Variants in MAGI2 observed in about 807,000 individuals in gnomAD.
MAGI2 encodes the protein membrane associated guanylate kinase, WW and PDZ domain containing 2.
In MAGI2, 35 loss-of-function variants were observed where a neutral mutation model predicts 133.3. That is an observed-to-expected ratio of 0.26 (90% CI 0.20 to 0.35). MAGI2 has a LOEUF of 0.35. MAGI2 is among the 10% of genes least tolerant of loss of function. The probability of loss-of-function intolerance (pLI) is 1.00; values close to 1 mark genes in which losing one functional copy is unlikely to be tolerated. For synonymous variants in MAGI2, 729 were observed against 710.6 expected (o/e 1.03, Z -0.41); for missense variants, 1,636 against 1,863.4 (o/e 0.88, Z 2.25).
At chr7:78,132,019 C>T (rs1460939676) in intron 18 of MAGI2, among the ~76,000 whole-genome samples, 1 of 152,112 alleles carries the variant, frequency 6.6e-6, no homozygotes, top group Non-Finnish European at 1.5e-5. Flanking sequence ...GGACTACAGG[C>T]GTGTACCACC....
At chr7:78,409,136 C>T (rs1445371144) in intron 6 of MAGI2, among the ~76,000 whole-genome samples, 5 of 152,120 alleles carry the variant, frequency 3.3e-5, no homozygotes, top group East Asian at 1.9e-4. Context: ...TATCACAATG[C>T]TTTTTCATGA....
chr7:78,508,607 T>C (rs1795298135), intron 4 of MAGI2, among the ~76,000 whole-genome samples: 1 of 152,220 alleles, frequency 6.6e-6, no homozygotes, highest in Non-Finnish European at 1.5e-5. Flanking sequence ...CTGTGTCAGC[T>C]ACTCCTGCGA....
intron 2 of MAGI2, among the ~76,000 whole-genome samples, chr7:78,847,076 C>T (rs928712637): frequency 5.9e-5 from 9 of 151,838 alleles, no homozygotes; most frequent in Non-Finnish European, 1.3e-4. Context: ...ATAGGTAGTT[C>T]AAAAGTTGTT....
intron 2 of MAGI2, among the ~76,000 whole-genome samples, chr7:78,936,132 C>T (rs1290303611): frequency 6.6e-6 from 1 of 151,630 alleles, no homozygotes; most frequent in African/African-American, 2.4e-5. Flanking sequence ...CCAAATGAAT[C>T]AAGCATTCAA....
chr7:79,243,926 C>T (rs1487225243), intron 1 of MAGI2, among the ~76,000 whole-genome samples: 4 of 152,102 alleles, frequency 2.6e-5, no homozygotes, highest in African/African-American at 4.8e-5. Flanking sequence ...TTGAAAGAAA[C>T]ATTATTTCCT....
chr7:79,173,484 C>T (rs555685336), intron 1 of MAGI2, among the ~76,000 whole-genome samples: 16 of 152,134 alleles, frequency 1.1e-4, no homozygotes, highest in African/African-American at 3.9e-4. Flanking sequence ...CGACTCCACA[C>T]CCAGCTTACT....
At chr7:78,775,435 A>G (rs1825921518) in intron 2 of MAGI2, among the ~76,000 whole-genome samples, 1 of 150,950 alleles carries the variant, frequency 6.6e-6, no homozygotes, top group African/African-American at 2.4e-5. Context: ...AGAGAGTTCT[A>G]TACATACCCA....
intron 12 of MAGI2, among the ~76,000 whole-genome samples, chr7:78,193,936 CT>C (rs2150735560): frequency 6.6e-6 from 1 of 152,260 alleles, no homozygotes; most frequent in African/African-American, 2.4e-5. Flanking sequence ...TTCTCAGCCC[CT>C]GAGCTCATCA....
chr7:79,200,738 A>G (rs867029628), intron 1 of MAGI2, among the ~76,000 whole-genome samples: 2 of 151,950 alleles, frequency 1.3e-5, no homozygotes, highest in Non-Finnish European at 2.9e-5. Flanking sequence ...TTAAAAAGCC[A>G]ATTGGTAACA....
intron 10 of MAGI2, among the ~76,000 whole-genome samples, chr7:78,247,112 A>C (rs757082130): frequency 1.1e-4 from 17 of 152,196 alleles, no homozygotes; most frequent in Non-Finnish European, 2.4e-4. Context: ...CTGCAGCTGC[A>C]TATTGACCAT....
At chr7:79,034,523 C>T (rs961013428) in intron 1 of MAGI2, among the ~76,000 whole-genome samples, 24 of 152,034 alleles carry the variant, frequency 1.6e-4, no homozygotes, top group African/African-American at 4.6e-4. Context: ...ATTTGTATTT[C>T]CTGTTGTTTT....
At chr7:79,045,314 C>T (rs67648955) in intron 1 of MAGI2, among the ~76,000 whole-genome samples, 8,728 of 152,162 alleles carry the variant, frequency 0.057, 275 homozygotes, top group African/African-American at 0.073. Flanking sequence ...TATATACACA[C>T]GTCCAAATCC....
At chr7:78,426,504 C>G (rs573594268) in intron 6 of MAGI2, among the ~76,000 whole-genome samples, 10 of 152,024 alleles carry the variant, frequency 6.6e-5, no homozygotes, top group African/African-American at 2.2e-4. Context: ...ATACCTAATG[C>G]TAGATGACGA....
chr7:79,000,523 C>T (rs748574347), intron 2 of MAGI2, among the ~76,000 whole-genome samples: 7 of 152,036 alleles, frequency 4.6e-5, no homozygotes, highest in Non-Finnish European at 7.4e-5. Context: ...ATGTGGCCAA[C>T]GAGCCTCACT....
chr7:78,808,073 T>C (rs1488689985), intron 2 of MAGI2, among the ~76,000 whole-genome samples: 1 of 151,998 alleles, frequency 6.6e-6, no homozygotes. Context: ...GACTAAAAAG[T>C]TATGAAAAAC....
intron 2 of MAGI2, among the ~76,000 whole-genome samples, chr7:78,827,297 G>T (rs1053357931): frequency 6.6e-6 from 1 of 151,730 alleles, no homozygotes; most frequent in Non-Finnish European, 1.5e-5. Context: ...TTATTTTTTT[G>T]AGACAGGGTC....
intron 1 of MAGI2, among the ~76,000 whole-genome samples, chr7:79,409,439 T>G (rs1041565223): frequency 1.2e-4 from 18 of 151,652 alleles, no homozygotes; most frequent in Non-Finnish European, 2.7e-4. Flanking sequence ...TAAAATACCT[T>G]TTTTGACTTA....
chr7:78,632,324 G>T lies in MAGI2; in HGVS notation c.419-5085C>A, dbSNP rs562592729. On this transcript the variant is annotated intron_variant, in intron 2 of 21. Transcript: ENST00000354212. The stretch of plus-strand genomic sequence containing the variant: ...TCAGACTGTTAGAACCTATGCACAA[G>T]TTAGTGGGTCAAATACTGAGATTTC... Among the ~76,000 whole-genome samples the T allele has an allele frequency of 3.8e-3, 583 of 152,330 alleles. 4 individuals carry two copies. The highest frequency in any genetic ancestry group is 0.013 in the African/African-American group (544 of 41,578).
chr7:79,294,163 G>A (rs1239822044), intron 1 of MAGI2, among the ~76,000 whole-genome samples: 21 of 142,766 alleles, frequency 1.5e-4, no homozygotes, highest in South Asian at 2.3e-4. Flanking sequence ...GGGCAACAGA[G>A]TGAGACTCCG....
Sources: allele counts gnomAD v4.1 joint callset (sites outside exome capture counted in the v4.1 genomes callset), GRCh38; gene constraint gnomAD v4.1.1; transcripts MANE v1.5; gene names NCBI Gene and HGNC (gene_info 2026-07-23, HGNC 2026-07-21).